CYP2S1: variants seen among roughly 807,000 people sequenced by gnomAD.
CYP2S1 encodes cytochrome P450 2S1.
Under a neutral mutation model 43.5 loss-of-function variants are expected in CYP2S1, and 32 were observed. The observed-to-expected ratio is 0.74, with a 90% CI of 0.56 to 0.99. CYP2S1 has a LOEUF of 0.99. Among genes scored for constraint, CYP2S1 ranks in the 50% least tolerant of loss-of-function variants. The probability of loss-of-function intolerance (pLI) is 0.00; values close to 1 mark genes in which losing one functional copy is unlikely to be tolerated. For synonymous variants in CYP2S1, 283 were observed against 302.9 expected, an observed-to-expected ratio of 0.93 and a Z score of 0.68; for missense variants, 575 against 673.9, an observed-to-expected ratio of 0.85 and a Z score of 1.62.
intron 7 of CYP2S1, among the ~76,000 whole-genome samples, chr19:41,205,429 T>A (rs955260666): frequency 1.6e-5 from 2 of 122,696 alleles, no homozygotes; most frequent in Non-Finnish European, 3.4e-5. Context: ...TCTCTCTCTC[T>A]CTCTTTCTTT....
Position 41,207,335 on chromosome 19 carries a change from C to T in CYP2S1, c.*847C>T, listed in dbSNP as rs183019127. Reference sequence around the variant, plus strand: ...GTAACCACGTGGAAAGCGGCCCCTGCTGCCCCTCCACACACACATACACAC... The same window carrying T: ...GTAACCACGTGGAAAGCGGCCCCTGTTGCCCCTCCACACACACATACACAC... On this transcript the variant is annotated 3_prime_UTR_variant, in exon 9 of 9. Transcript: ENST00000310054. 334 of 193,380 alleles carry T rather than the reference C, an allele frequency of 1.7e-3. 2 individuals carry two copies. The highest frequency in any genetic ancestry group is 2.6e-3 in the Non-Finnish European group (243 of 92,726). The allele number at this position is 193,380 out of a possible 1,614,324, so 12.0% of individuals were successfully genotyped here.
In CYP2S1 at chr19:41,203,219, A is replaced by AT. The variant is rs553171968; in HGVS notation, c.977-231_977-230insT. ...AAGAGCAAAACTCCGTTGCAAAAAA[A>AT]AATAATAATAATAAAATGAAATAAA... On this transcript the variant is annotated intron_variant, in intron 6 of 8. Transcript: ENST00000310054. 1.6e-3 allele frequency among the ~76,000 whole-genome samples: 238 copies of AT among 152,070 alleles called. 9 individuals carry two copies. In the East Asian group the frequency reaches 0.036, roughly 23 times the overall value.
rs767291069 is a variant in CYP2S1, at chr19:41,198,598, G to C, written c.630G>C (p.Leu210=). The part of the protein sequence containing the change: ...AVVRAAGGTL[L]GVSSQGGQTY... Reference sequence around the variant, plus strand: ...TCCGGGCAGCTGGTGGTACCCTGCTGGGAGTCAGCTCCCAGGGGGGTCAGG... The same window carrying C: ...TCCGGGCAGCTGGTGGTACCCTGCTCGGAGTCAGCTCCCAGGGGGGTCAGG... The change falls in exon 4 of 9, where the codon CTG becomes CTC. Residue 210 remains leucine (L), a synonymous_variant. Transcript: ENST00000310054. The surrounding 1 kb of genome is among the most constrained non-coding windows in gnomAD (Gnocchi z 4.9). The C allele has an allele frequency of 2.5e-6, 4 of 1,614,158 alleles. No homozygotes were observed. The highest frequency in any genetic ancestry group is 3.4e-6 in the Non-Finnish European group (4 of 1,180,014).
chr19:41,199,025 C>T, intron 5 of CYP2S1, 137 bp downstream of exon 5: 1 of 1,136,646 alleles, frequency 8.8e-7, no homozygotes, highest in Non-Finnish European at 1.2e-6. Context: ...ATGAGTGTCT[C>T]TGTGCATGTG....
Position 41,203,436 on chromosome 19 carries a change from C to G in CYP2S1, c.977-14C>G, listed in dbSNP as rs2033517035. On this transcript the variant is annotated splice_polypyrimidine_tract_variant and intron_variant, in intron 6 of 8. Transcript: ENST00000310054. ...CCTACCCCCGTCTGACTCCTGCCCT[C>G]CTCTTGCTTGCAGAGTGGGTACGTG... 3.8e-6 allele frequency: 6 copies of G among 1,585,186 alleles called. No homozygotes were observed. The highest frequency in any genetic ancestry group is 5.2e-6 in the Non-Finnish European group (6 of 1,164,392).
chr19:41,194,430 G>A (rs2033383195), intron 1 of CYP2S1, 114 bp from the exon 2 acceptor site: 1 of 1,354,324 alleles, frequency 7.4e-7, no homozygotes, highest in Non-Finnish European at 9.8e-7. Context: ...CAGGTTCCTG[G>A]TAGAGGGCGT....
chr19:41,204,372 G>T (rs2033534189), intron 7 of CYP2S1, among the ~76,000 whole-genome samples: 2 of 151,060 alleles, frequency 1.3e-5, no homozygotes. Context: ...TTGACCCTTA[G>T]CCCCTGCTGC....
In CYP2S1 at chr19:41,206,022, A is replaced by G; in HGVS notation, c.1229A>G (p.Glu410Gly). The G allele has an allele frequency of 6.2e-7, 1 of 1,614,036 alleles. No individual in the cohort carries two copies. The highest frequency in any genetic ancestry group is 8.5e-7 in the Non-Finnish European group (1 of 1,180,006). The change falls in exon 8 of 9, where the codon GAA becomes GGA. Residue 410 changes from glutamate to glycine, a missense_variant. Glu to Gly is a moderately conservative substitution (Grantham distance 98). Transcript: ENST00000310054. Reference sequence around the variant, plus strand: ...GACCCCAACATCTTCAAGCACCCAGAAGAGTTCAACCCAGACCGTTTCCTG... The same window carrying G: ...GACCCCAACATCTTCAAGCACCCAGGAGAGTTCAACCCAGACCGTTTCCTG... Reference protein sequence around the residue: ...LHDPNIFKHPEEFNPDRFLDA... With the variant: ...LHDPNIFKHPGEFNPDRFLDA...
chr19:41,196,144 A>T (rs1191119146), intron 2 of CYP2S1, among the ~76,000 whole-genome samples: 2 of 152,178 alleles, frequency 1.3e-5, no homozygotes, highest in Non-Finnish European at 2.9e-5. Context: ...AAGCCGGGAC[A>T]TGAAGGATGA....
intron 6 of CYP2S1, among the ~76,000 whole-genome samples, chr19:41,202,973 C>T (rs1035782130): frequency 2.0e-5 from 3 of 151,286 alleles, no homozygotes; most frequent in East Asian, 3.9e-4. Flanking sequence ...TGATGGCAGG[C>T]GTCTGTAGTC....
chr19:41,195,985 G>C (rs990911941), intron 2 of CYP2S1, among the ~76,000 whole-genome samples: 3 of 152,110 alleles, frequency 2.0e-5, no homozygotes, highest in African/African-American at 7.2e-5. Flanking sequence ...TACTGTGGGA[G>C]AGGCGGGCTT....
At chr19:41,197,194 CAATAAT>C (rs748097152) in intron 2 of CYP2S1, among the ~76,000 whole-genome samples, 1 of 151,876 alleles carries the variant, frequency 6.6e-6, no homozygotes, top group South Asian at 2.1e-4. Flanking sequence ...GACCTCGTCT[CAATAAT>C]AATAATAATT....
chr19:41,195,967 T>A (rs987189608), intron 2 of CYP2S1, among the ~76,000 whole-genome samples: 3 of 151,938 alleles, frequency 2.0e-5, no homozygotes, highest in African/African-American at 7.3e-5. Context: ...AGATATGGTG[T>A]CCTCTCCTAC....
chr19:41,205,783 C>T (rs534259213), intron 7 of CYP2S1, among the ~76,000 whole-genome samples, 175 bp from the exon 8 acceptor site: 11 of 152,152 alleles, frequency 7.2e-5, no homozygotes, highest in Non-Finnish European at 1.6e-4. Context: ...CAGCCTCCCA[C>T]GTGGCTGGGA....
In CYP2S1 at chr19:41,206,364, A is replaced by G. The variant is rs1417885495; in HGVS notation, c.1391A>G (p.Glu464Gly). 6.2e-6 allele frequency: 10 copies of G among 1,614,106 alleles called. No individual in the cohort carries two copies. Among genetic ancestry groups the G allele is most frequent in the Non-Finnish European group, 8.5e-6 (10 of 1,180,036 alleles). ...FTTILQAFSL[E>G]SPCPPDTLSL... ...ACCATCCTACAAGCCTTCTCCCTGG[A>G]GAGCCCGTGCCCGCCGGACACCCTG... The change falls in exon 9 of 9, where the codon GAG (glutamate) becomes GGG (glycine). Residue 464 changes from glutamate to glycine, a missense_variant. Glu to Gly is a moderately conservative substitution (Grantham distance 98). Coordinates refer to ENST00000310054, the MANE Select transcript of CYP2S1 (RefSeq NM_030622.8).
intron 5 of CYP2S1, 144 bp from the exon 6 acceptor site, chr19:41,201,087 A>AT: frequency 9.4e-7 from 1 of 1,060,038 alleles, no homozygotes; most frequent in Non-Finnish European, 1.3e-6. Flanking sequence ...AAAAAAAAAA[A>AT]GTCTACTTCC....
At chr19:41,193,682 G>A (rs2033371532) in intron 1 of CYP2S1, 4 of 708,110 alleles carry the variant, frequency 5.6e-6, no homozygotes, top group Non-Finnish European at 7.8e-6. Flanking sequence ...GAGGGGCAGA[G>A]ACCTCTGCCT....
Position 41,198,617 on chromosome 19 carries a change from G to T in CYP2S1, c.649G>T (p.Gly217Cys). ...GTLLGVSSQG[G>C]QTYEMFSWFL... ...CCTGCTGGGAGTCAGCTCCCAGGGG[G>T]GTCAGGTGAGTGGGTGGGACCCCTC... Residue 217 changes from glycine (G) to cysteine (C), a missense_variant, in exon 4 of 9, where the codon GGT (glycine) becomes TGT (cysteine). Around this residue, in one of 2 missense-constraint regions of CYP2S1, gnomAD observed 353 missense variants for 367.6 expected, o/e 0.96. Coordinates refer to ENST00000310054, the MANE Select transcript of CYP2S1 (RefSeq NM_030622.8). The surrounding 1 kb of genome is among the most constrained non-coding windows in gnomAD (Gnocchi z 4.9). The T allele has an allele frequency of 6.2e-7, 1 of 1,614,078 alleles. No homozygotes were observed. Among genetic ancestry groups the T allele is most frequent in the African/African-American group, 1.3e-5 (1 of 75,054 alleles).
chr19:41,205,178 C>T lies in CYP2S1; in HGVS notation c.1165-780C>T, dbSNP rs529549037. The stretch of plus-strand genomic sequence containing the variant: ...CTATTATCTCATTTAATCTTTAAAG[C>T]AACCCTATACCATTATCATGCCCAT... On this transcript the variant is annotated intron_variant, in intron 7 of 8. Transcript: ENST00000310054. Among the ~76,000 whole-genome samples the T allele has an allele frequency of 3.9e-5, 6 of 152,210 alleles. No homozygotes were observed. The East Asian group carries it at 1.2e-3, about 29-fold the overall frequency.
Sources: allele counts gnomAD v4.1 joint callset (sites outside exome capture counted in the v4.1 genomes callset), GRCh38; gene constraint gnomAD v4.1.1; regional missense constraint gnomAD v4.1.1; non-coding constraint Gnocchi (gnomAD v3.1); transcripts MANE v1.5; gene names NCBI Gene and HGNC (gene_info 2026-07-23, HGNC 2026-07-21).